The following SLC4A4 variants were observed in gnomAD, a reference collection of about 807,000 sequenced individuals.
SLC4A4 encodes the protein solute carrier family 4 member 4, also known as electrogenic sodium bicarbonate cotransporter 1.
SLC4A4 carries 27 observed loss-of-function variants against 111.5 expected under a neutral mutation model. That is an observed-to-expected ratio of 0.24 (90% CI 0.18 to 0.33). The LOEUF (loss-of-function observed/expected upper bound fraction) is 0.33, where lower values mean the gene tolerates loss of function less well. Among genes scored for constraint, SLC4A4 ranks in the 10% least tolerant of loss-of-function variants. The probability of loss-of-function intolerance (pLI) is 1.00; values close to 1 mark genes in which losing one functional copy is unlikely to be tolerated. For synonymous variants in SLC4A4, 443 were observed against 463.4 expected, an observed-to-expected ratio of 0.96 and a Z score of 0.57; for missense variants, 909 against 1,315.5, an observed-to-expected ratio of 0.69 and a Z score of 4.78.
chr4:71,226,837 A>G (rs906955118), intron 1 of SLC4A4, among the ~76,000 whole-genome samples: 1 of 152,134 alleles, frequency 6.6e-6, no homozygotes, highest in African/African-American at 2.4e-5. Context: ...ATTGATTCAT[A>G]GTCACTGAAT....
At chr4:71,376,935 C>T (rs1383195682) in intron 6 of SLC4A4, among the ~76,000 whole-genome samples, 1 of 152,090 alleles carries the variant, frequency 6.6e-6, no homozygotes, top group East Asian at 1.9e-4. Context: ...CTCACCTGGC[C>T]TCATTTGGTT....
chr4:71,350,062 A>G lies in SLC4A4; in HGVS notation c.540A>G (p.Pro180=), dbSNP rs761315715. Reference sequence around the variant, plus strand: ...TTGATCGGGAGGCTTCTTCTCTCCCACAGTTGGTGGGTAAGTATGCTGTTT... The same window carrying G: ...TTGATCGGGAGGCTTCTTCTCTCCCGCAGTTGGTGGGTAAGTATGCTGTTT... ...IMLDREASSL[P]QLVEMIVDHQ... The change falls in exon 5 of 26, where the codon CCA becomes CCG. Residue 180 remains proline (P), a synonymous_variant. Transcript: ENST00000264485. 176 of 1,613,982 alleles carry G rather than the reference A, an allele frequency of 1.1e-4. No homozygotes were observed. The highest frequency in any genetic ancestry group is 1.5e-4 in the Non-Finnish European group (174 of 1,180,002).
intron 7 of SLC4A4, among the ~76,000 whole-genome samples, chr4:71,419,567 G>C (rs1722197080): frequency 6.6e-6 from 1 of 152,182 alleles, no homozygotes; most frequent in Non-Finnish European, 1.5e-5. Context: ...TATTTGAGTG[G>C]GAGTGACCCG....
At chr4:71,317,121 T>G (rs1726756507) in intron 3 of SLC4A4, among the ~76,000 whole-genome samples, 1 of 151,572 alleles carries the variant, frequency 6.6e-6, no homozygotes, top group South Asian at 2.1e-4. Flanking sequence ...GTCAGATGAT[T>G]TTATTCGTAT....
At chr4:71,169,251 G>A (rs111931562) in intron 2 of SLC4A4, among the ~76,000 whole-genome samples, 2,328 of 151,816 alleles carry the variant, frequency 0.015, 61 homozygotes, top group African/African-American at 0.048. Context: ...CCTGACCTCA[G>A]GTGATCCACC....
chr4:71,533,984 T>C (rs1444878958), intron 17 of SLC4A4, among the ~76,000 whole-genome samples: 1 of 152,112 alleles, frequency 6.6e-6, no homozygotes, highest in Admixed American at 6.6e-5. Flanking sequence ...ATATGCAAAA[T>C]GCCATTCACT....
At chr4:71,283,439 A>C (rs182488222) in intron 3 of SLC4A4, among the ~76,000 whole-genome samples, 2 of 152,234 alleles carry the variant, frequency 1.3e-5, no homozygotes, top group East Asian at 3.9e-4. Flanking sequence ...GGTTTGCCTC[A>C]GTTGCTTTGA....
intron 1 of SLC4A4, among the ~76,000 whole-genome samples, chr4:71,225,486 A>G (rs565217412): frequency 3.2e-4 from 49 of 152,322 alleles, no homozygotes; most frequent in African/African-American, 1.2e-3. Flanking sequence ...CCAGAAGGAA[A>G]TAATGCATGT....
intron 1 of SLC4A4, among the ~76,000 whole-genome samples, chr4:71,211,175 T>C (rs1172343793): frequency 1.3e-5 from 2 of 152,226 alleles, no homozygotes; most frequent in Non-Finnish European, 1.5e-5. Context: ...AAACAGTTTA[T>C]CTTTTTATAA....
chr4:71,276,580 ATCT>A (rs1011108800), intron 3 of SLC4A4, among the ~76,000 whole-genome samples: 7 of 145,478 alleles, frequency 4.8e-5, no homozygotes, highest in South Asian at 2.2e-4. Context: ...TTTTTTTTAG[ATCT>A]TCTTCTTTTT....
At chr4:71,308,567 T>C (rs1725878171) in intron 3 of SLC4A4, among the ~76,000 whole-genome samples, 2 of 152,058 alleles carry the variant, frequency 1.3e-5, no homozygotes, top group South Asian at 2.1e-4. Flanking sequence ...GTGCAGCCCA[T>C]GGAGGGTGAG....
At chr4:71,469,685 G>A (rs906589245) in intron 13 of SLC4A4, among the ~76,000 whole-genome samples, 2 of 151,884 alleles carry the variant, frequency 1.3e-5, no homozygotes, top group Non-Finnish European at 2.9e-5. Flanking sequence ...CATTACTGAT[G>A]ATCAACTTAT....
At chr4:71,257,745 CAT>C (rs1721563101) in intron 3 of SLC4A4, among the ~76,000 whole-genome samples, 1 of 152,182 alleles carries the variant, frequency 6.6e-6, no homozygotes, top group South Asian at 2.1e-4. Flanking sequence ...AAGGTTCCCA[CAT>C]GTGTCTGGCA....
intron 7 of SLC4A4, among the ~76,000 whole-genome samples, chr4:71,424,596 G>A (rs1722916365): frequency 6.6e-6 from 1 of 151,998 alleles, no homozygotes; most frequent in Admixed American, 6.6e-5. Flanking sequence ...CAACCCAAAT[G>A]TCCAACAATG....
chr4:71,257,799 C>G (rs1385555629), intron 3 of SLC4A4, among the ~76,000 whole-genome samples: 3 of 152,132 alleles, frequency 2.0e-5, no homozygotes, highest in Admixed American at 2.0e-4. Flanking sequence ...AAACAAAAAC[C>G]AAAAAGCCCA....
rs548291414 is a variant in SLC4A4 at position 71,267,582 on chromosome 4, G to T, written c.253+12183G>T. On this transcript the variant is annotated intron_variant, in intron 3 of 25. Coordinates refer to ENST00000264485, the MANE Select transcript of SLC4A4 (RefSeq NM_001098484.3). ...GGCCAAGGTGGGTGGATCACCCGAG[G>T]TCAAAGTTTGAGACCAGCCTGGCCA... 1.5e-4 allele frequency among the ~76,000 whole-genome samples: 23 copies of T among 151,992 alleles called. 1 individual carries two copies. The highest frequency in any genetic ancestry group is 6.8e-3 in the Middle Eastern group (2 of 294).
chr4:71,107,109 C>G (rs923774294), intron 2 of SLC4A4, among the ~76,000 whole-genome samples: 4 of 151,634 alleles, frequency 2.6e-5, no homozygotes, highest in African/African-American at 9.7e-5. Context: ...GTCCTTGGAT[C>G]TAAAGTGAGA....
At chr4:71,425,334 C>A (rs562943516) in intron 7 of SLC4A4, among the ~76,000 whole-genome samples, 1 of 152,072 alleles carries the variant, frequency 6.6e-6, no homozygotes, top group African/African-American at 2.4e-5. Context: ...AGAATAGCCT[C>A]GCAGCAAAAC....
chr4:71,105,764 A>G (rs1742897928), intron 2 of SLC4A4, among the ~76,000 whole-genome samples: 1 of 121,302 alleles, frequency 8.2e-6, no homozygotes, highest in Non-Finnish European at 1.7e-5. Context: ...CTTATACAAA[A>G]ATCAATTCAA....
Sources: gnomAD v4.1 joint callset for allele counts (sites outside exome capture counted in the v4.1 genomes callset) on GRCh38, gnomAD v4.1.1 for gene constraint, MANE v1.5 for transcripts, NCBI Gene and HGNC (gene_info 2026-07-23, HGNC 2026-07-21) for gene names.